UST: variants seen among roughly 807,000 people sequenced by gnomAD.
UST encodes chondroitin sulfate 2-O-sulfotransferase.
In UST, 21 loss-of-function variants were observed where a neutral mutation model predicts 45.6. The ratio of observed to expected loss-of-function variants is 0.46; its 90% CI spans 0.33 to 0.66. The LOEUF (loss-of-function observed/expected upper bound fraction) is 0.66, where lower values mean the gene tolerates loss of function less well. Among genes scored for constraint, UST ranks in the 30% least tolerant of loss-of-function variants. UST has a pLI of 0.02. For missense variants in UST, 463 were observed against 512.4 expected (o/e 0.90, Z 0.93); for synonymous variants, 215 against 200.6 (o/e 1.07, Z -0.61).
At chr6:149,007,178 G>C (rs1233287432) in intron 5 of UST, among the ~76,000 whole-genome samples, 1 of 141,250 alleles carries the variant, frequency 7.1e-6, no homozygotes, top group Non-Finnish European at 1.5e-5. Flanking sequence ...GGAGTGCAGT[G>C]GTGTGGTCTT....
chr6:148,997,912 C>T (rs1781482449), intron 5 of UST, among the ~76,000 whole-genome samples: 1 of 152,166 alleles, frequency 6.6e-6, no homozygotes, highest in Non-Finnish European at 1.5e-5. Flanking sequence ...GATCATGGAG[C>T]ACAGAAAGGA....
intron 1 of UST, among the ~76,000 whole-genome samples, chr6:148,783,474 C>G (rs531179645): frequency 2.0e-5 from 3 of 152,314 alleles, no homozygotes; most frequent in African/African-American, 7.2e-5. Flanking sequence ...CATTTCTCTC[C>G]TGGAGTTTTT....
At chr6:148,765,786 C>T (rs1776310391) in intron 1 of UST, among the ~76,000 whole-genome samples, 1 of 152,182 alleles carries the variant, frequency 6.6e-6, no homozygotes, top group South Asian at 2.1e-4. Flanking sequence ...GAAATCTTCA[C>T]AATTTATGTT....
chr6:148,957,582 C>A, intron 4 of UST, among the ~76,000 whole-genome samples: 1 of 152,032 alleles, frequency 6.6e-6, no homozygotes, highest in Admixed American at 6.6e-5. Flanking sequence ...TACAGGCATG[C>A]ACCACCACAC....
chr6:148,812,126 T>C (rs1281819499), intron 1 of UST, among the ~76,000 whole-genome samples: 4 of 152,216 alleles, frequency 2.6e-5, no homozygotes, highest in Non-Finnish European at 4.4e-5. Context: ...AGGGTAGCTA[T>C]TTATTTAATT....
intron 5 of UST, among the ~76,000 whole-genome samples, chr6:148,999,029 G>A (rs560043457): frequency 2.4e-4 from 37 of 152,306 alleles, no homozygotes; most frequent in East Asian, 3.9e-4. Flanking sequence ...AGTGGAGCCC[G>A]CATCTGGAAT....
Position 149,021,384 on chromosome 6 carries a change from C to G in UST, c.840C>G (p.Leu280=), listed in dbSNP as rs1357981268. ...AKLNVNENFL[L]VGILEELEDV... is the part of the protein sequence containing the mutation. The stretch of plus-strand genomic sequence containing the variant: ...TGAACGTGAATGAAAACTTCCTGCT[C>G]GTGGGGATTCTTGAAGAGTTGGAAG... Residue 280 remains leucine, a synonymous_variant, in exon 7 of 8, where the codon CTC becomes CTG. Transcript: ENST00000367463. The G allele has an allele frequency of 2.5e-6, 4 of 1,614,002 alleles. No homozygotes were observed. In the Admixed American group the frequency reaches 6.7e-5, roughly 27 times the overall value.
intron 7 of UST, among the ~76,000 whole-genome samples, chr6:149,059,116 G>T (rs77985293): frequency 2.0e-5 from 3 of 152,282 alleles, no homozygotes; most frequent in East Asian, 1.9e-4. Flanking sequence ...GCTGACTTAG[G>T]GGGGTGGTTG....
intron 1 of UST, among the ~76,000 whole-genome samples, chr6:148,751,919 C>G (rs1271868622): frequency 1.3e-5 from 2 of 152,198 alleles, no homozygotes; most frequent in African/African-American, 2.4e-5. Context: ...ACAGAATAAG[C>G]CAGATGGCTT....
chr6:148,871,145 T>TCTCTCTCTCTCTCTCTCTCTCTCTCTCC (rs1032229926), intron 1 of UST, among the ~76,000 whole-genome samples: 1 of 135,108 alleles, frequency 7.4e-6, no homozygotes, highest in African/African-American at 2.8e-5. Context: ...TCTCTCTCTC[T>TCTCTCTCTCTCTCTCTCTCTCTCTCTCC]CCCTCTCTCC....
chr6:148,956,026 C>T (rs55682886), intron 4 of UST: 1 of 152,262 alleles, frequency 6.6e-6, no homozygotes, highest in East Asian at 1.9e-4. Context: ...TTAGAAGATA[C>T]CATGTCTACA....
intron 1 of UST, among the ~76,000 whole-genome samples, chr6:148,762,902 T>C (rs1776247703): frequency 6.6e-6 from 1 of 152,226 alleles, no homozygotes; most frequent in South Asian, 2.1e-4. Context: ...TCCAGTCATC[T>C]GTTGATGGAC....
chr6:148,810,844 T>C (rs1777245020), intron 1 of UST, among the ~76,000 whole-genome samples: 1 of 152,234 alleles, frequency 6.6e-6, no homozygotes, highest in Non-Finnish European at 1.5e-5. Flanking sequence ...TCTATCCTTA[T>C]GAATTACAGA....
intron 1 of UST, among the ~76,000 whole-genome samples, chr6:148,878,086 G>A (rs866012907): frequency 3.9e-5 from 5 of 128,392 alleles, no homozygotes; most frequent in African/African-American, 1.2e-4. Flanking sequence ...GTATGAGTGC[G>A]GGGGATTGTG....
At chr6:148,821,094 C>T (rs1230729315) in intron 1 of UST, among the ~76,000 whole-genome samples, 1 of 150,264 alleles carries the variant, frequency 6.7e-6, no homozygotes, top group African/African-American at 2.4e-5. Flanking sequence ...CTCAGCCTCC[C>T]AAGTAGCTGG....
At chr6:148,869,838 A>C (rs1228361527) in intron 1 of UST, among the ~76,000 whole-genome samples, 1 of 152,214 alleles carries the variant, frequency 6.6e-6, no homozygotes, top group Non-Finnish European at 1.5e-5. Context: ...GGATTGATGC[A>C]TTTAGAATGT....
intron 4 of UST, among the ~76,000 whole-genome samples, chr6:148,961,631 A>T (rs551307281): frequency 6.6e-6 from 1 of 152,358 alleles, no homozygotes; most frequent in East Asian, 1.9e-4. Context: ...GAAAATGTTA[A>T]ATATTGGCTG....
intron 7 of UST, among the ~76,000 whole-genome samples, chr6:149,021,826 T>C (rs1775985495): frequency 6.6e-6 from 1 of 152,200 alleles, no homozygotes; most frequent in Non-Finnish European, 1.5e-5. Flanking sequence ...AGCATGTTGT[T>C]GGGGTGGGTA....
At chr6:148,834,961 C>T (rs1352053237) in intron 1 of UST, among the ~76,000 whole-genome samples, 1 of 152,072 alleles carries the variant, frequency 6.6e-6, no homozygotes, top group Admixed American at 6.6e-5. Flanking sequence ...ATCTTTAAGG[C>T]AATATGTTGC....
Sources: allele counts gnomAD v4.1 joint callset (sites outside exome capture counted in the v4.1 genomes callset), GRCh38; gene constraint gnomAD v4.1.1; transcripts MANE v1.5; gene names NCBI Gene and HGNC (gene_info 2026-07-23, HGNC 2026-07-21).